The following ADGRL1 variants were observed in gnomAD, a reference collection of about 807,000 sequenced individuals.
ADGRL1 encodes the protein CIRL-1.
ADGRL1 carries 31 observed loss-of-function variants against 148.9 expected under a neutral mutation model. The observed-to-expected ratio is 0.21, with a 90% confidence interval of 0.16 to 0.28. ADGRL1 has a LOEUF of 0.28. Ranked by LOEUF, ADGRL1 falls within the 10% of genes least tolerant of loss-of-function variation. The pLI, the probability that ADGRL1 is intolerant of heterozygous loss-of-function variation, is 1.00. For synonymous variants in ADGRL1, 937 were observed against 900.3 expected, an observed-to-expected ratio of 1.04 and a Z score of -0.73; for missense variants, 1,521 against 2,058.8, an observed-to-expected ratio of 0.74 and a Z score of 5.05.
intron 4 of ADGRL1, among the ~76,000 whole-genome samples, chr19:14,168,435 C>CGTGT (rs145434293): frequency 1.3e-5 from 2 of 151,874 alleles, no homozygotes; most frequent in Non-Finnish European, 2.9e-5. Context: ...CATGTCTGCG[C>CGTGT]GTGTGTGTGT....
In ADGRL1 at chr19:14,155,475, C is replaced by A. The variant is rs774265366; in HGVS notation, c.3178G>T (p.Ala1060Ser). The change falls in exon 18 of 23, where the codon GCT becomes TCT. Residue 1060 changes from alanine to serine, a missense_variant. Physicochemically the swap from Ala to Ser is moderately conservative, Grantham distance 99. Transcript: ENST00000361434. The surrounding 1 kb of genome is among the most constrained non-coding windows in gnomAD (Gnocchi z 5.0). ...TTGTTGATGAAGAGGAGGCCGAAAG[C>A]CCAGGTGAGGCCCAGCAGGAACAGC... ...ALLFLLGLTW[A>S]FGLLFINKES... The A allele has an allele frequency of 6.2e-7, 1 of 1,614,056 alleles. No homozygotes were observed. The highest frequency in any genetic ancestry group is 8.5e-7 in the Non-Finnish European group (1 of 1,179,990).
At chr19:14,156,836 G>A in intron 15 of ADGRL1, 89 bp downstream of exon 15, 1 of 1,531,160 alleles carries the variant, frequency 6.5e-7, no homozygotes, top group Non-Finnish European at 8.9e-7. Context: ...GAGGAGGAAG[G>A]GACTACCGCC....
In ADGRL1 at chr19:14,160,122, T is replaced by C. The variant is rs1969200079; in HGVS notation, c.1790A>G (p.Asn597Ser). The change falls in exon 8 of 23, where the codon AAC becomes AGC. Residue 597 changes from asparagine to serine, a missense_variant. Asn to Ser is a conservative substitution (Grantham distance 46, BLOSUM62 1). Transcript: ENST00000361434. The surrounding 1 kb of genome is among the most constrained non-coding windows in gnomAD (Gnocchi z 5.9). ...RPIERESAGK[N>S]YNKMHKRERT... ...ACCGCCAGGCCCCACCTTGTTGTAG[T>C]TCTTGCCGGCTGACTCGCGCTCGAT... The C allele has an allele frequency of 6.3e-7, 1 of 1,583,278 alleles. No individual in the cohort carries two copies.
chr19:14,155,386 G>A lies in ADGRL1; in HGVS notation c.3267C>T (p.Phe1089=), dbSNP rs151144435. 14 of 1,613,934 alleles carry A rather than the reference G, an allele frequency of 8.7e-6. No homozygotes were observed. In the Admixed American group the frequency reaches 1.3e-4, roughly 15 times the overall value. ...TFNAFQGVFI[F]VFHCALQKKV... ...TCTTCTGTAAGGCGCAGTGAAAGACGAAGATGAAGACCCCCTGGAAGGCGT... is the reference window on the plus strand; with the variant it reads ...TCTTCTGTAAGGCGCAGTGAAAGACAAAGATGAAGACCCCCTGGAAGGCGT... Residue 1089 remains phenylalanine, a synonymous_variant, in exon 18 of 23, where the codon TTC becomes TTT. Coordinates refer to ENST00000361434, the MANE Select transcript of ADGRL1 (RefSeq NM_014921.5). The surrounding 1 kb of genome is among the most constrained non-coding windows in gnomAD (Gnocchi z 5.0).
intron 2 of ADGRL1, among the ~76,000 whole-genome samples, chr19:14,180,875 T>C (rs1971143526): frequency 6.6e-6 from 1 of 151,978 alleles, no homozygotes; most frequent in Admixed American, 6.6e-5. Flanking sequence ...CTGTATCCTT[T>C]TGATGTAATA....
rs1491187050 is a variant in ADGRL1 at position 14,150,558 on chromosome 19, G to GA, written c.*314dup. 1.7e-5 allele frequency: 6 copies of GA among 358,012 alleles called. No homozygotes were observed. The highest frequency in any genetic ancestry group is 4.7e-5 in the East Asian group (1 of 21,056). The allele number at this position is 358,012 out of a possible 1,614,324, so 22.2% of individuals were successfully genotyped here. A position where few individuals can be genotyped will look rare whatever the true frequency, so the allele number is the denominator to read the frequency against. ...CACAGGGTAGAAGGGTGGGAGAGGGGAGAGTCTGGAAGTGGGCTGCACCCT... is the reference window on the plus strand; with the variant it reads ...CACAGGGTAGAAGGGTGGGAGAGGGGAAGAGTCTGGAAGTGGGCTGCACCCT... On this transcript the variant is annotated 3_prime_UTR_variant, in exon 23 of 23. Coordinates refer to ENST00000361434, the MANE Select transcript of ADGRL1 (RefSeq NM_014921.5).
At position 14,152,273 on chromosome 19, in the gene ADGRL1, A is replaced by G. The variant is rs1170021016; in HGVS notation, c.3649+36T>C. On this transcript the variant is annotated intron_variant, in intron 21 of 22. Transcript: ENST00000361434. This position sits in a 1 kb window ranked among gnomAD's most constrained non-coding sequence, Gnocchi z 6.1. ...AGGTCCCTTGGGACACAAACCCTCC[A>G]TTTCCCAACCTGGGATGTTTCCCCC... 1 of 1,608,574 alleles carries G rather than the reference A, an allele frequency of 6.2e-7. No homozygotes were observed. The highest frequency in any genetic ancestry group is 1.7e-5 in the Admixed American group (1 of 59,716).
At position 14,157,152 on chromosome 19, in the gene ADGRL1, G is replaced by A. The variant is rs1599398947; in HGVS notation, c.2746-7C>T. Reference sequence around the variant, plus strand: ...CGAAGATGGGGCAGGCAATCTGCGGGGAGCACTGAGGGTGAGGGGCTGCTG... The same window carrying A: ...CGAAGATGGGGCAGGCAATCTGCGGAGAGCACTGAGGGTGAGGGGCTGCTG... On this transcript the variant is annotated splice_polypyrimidine_tract_variant and splice_region_variant and intron_variant, in intron 14 of 22. Transcript: ENST00000361434. This position sits in a 1 kb window ranked among gnomAD's most constrained non-coding sequence, Gnocchi z 7.5. 1.2e-6 allele frequency: 2 copies of A among 1,613,908 alleles called. No homozygotes were observed. Among genetic ancestry groups the A allele is most frequent in the Admixed American group, 1.7e-5 (1 of 60,002 alleles).
At chr19:14,203,989 G>A (rs939084201) in intron 1 of ADGRL1, among the ~76,000 whole-genome samples, 14 of 152,130 alleles carry the variant, frequency 9.2e-5, no homozygotes, top group African/African-American at 3.4e-4. Context: ...CAGGAGGGCC[G>A]GGACCCACAT....
At position 14,157,483 on chromosome 19, in the gene ADGRL1, C is replaced by T. The variant is rs761195461; in HGVS notation, c.2536-23G>A. 22 of 1,610,952 alleles carry T rather than the reference C, an allele frequency of 1.4e-5. No homozygotes were observed. The highest frequency in any genetic ancestry group is 9.9e-5 in the South Asian group (9 of 91,024). On this transcript the variant is annotated intron_variant, in intron 13 of 22. Transcript: ENST00000361434. The surrounding 1 kb of genome is among the most constrained non-coding windows in gnomAD (Gnocchi z 7.5). Reference sequence around the variant, plus strand: ...GTACTGGGGACAGGAACAGGGGGCACGCTCAGGGCCTTTGGTTTTGCACGC... The same window carrying T: ...GTACTGGGGACAGGAACAGGGGGCATGCTCAGGGCCTTTGGTTTTGCACGC...
In ADGRL1 at chr19:14,150,106, CTGGGAA is replaced by C; in HGVS notation, c.*761_*766del. 1 of 152,482 alleles carries C rather than the reference CTGGGAA, an allele frequency of 6.6e-6. No homozygotes were observed. Among genetic ancestry groups the C allele is most frequent in the Non-Finnish European group, 1.5e-5 (1 of 68,046 alleles). 9.4% of individuals were successfully genotyped at this position (152,482 alleles called of 1,614,324 possible). ...TCCCCAGATAGCCGAGCCCACAGGA[CTGGGAA>C]CTGCCCAAATATGGCCACCCCTGTG... On this transcript the variant is annotated 3_prime_UTR_variant, in exon 23 of 23. Coordinates refer to ENST00000361434, the MANE Select transcript of ADGRL1 (RefSeq NM_014921.5).
chr19:14,155,657 C>A lies in ADGRL1; in HGVS notation c.3126-130G>T. The A allele has an allele frequency of 2.2e-6, 2 of 909,674 alleles. No individual in the cohort carries two copies. Among genetic ancestry groups the A allele is most frequent in the Non-Finnish European group, 3.3e-6 (2 of 611,350 alleles). 56.4% of individuals were successfully genotyped at this position (909,674 alleles called of 1,614,324 possible). A position where few individuals can be genotyped will look rare whatever the true frequency, so the allele number is the denominator to read the frequency against. On this transcript the variant is annotated intron_variant, in intron 17 of 22. Coordinates refer to ENST00000361434, the MANE Select transcript of ADGRL1 (RefSeq NM_014921.5). This position sits in a 1 kb window ranked among gnomAD's most constrained non-coding sequence, Gnocchi z 5.0. ...ACTGTCTGCAAAGCCCTGAGCGGGC[C>A]GAGTGGGCCTTGGGGGCAGTGGCCT...
intron 4 of ADGRL1, among the ~76,000 whole-genome samples, chr19:14,166,725 C>G (rs1026603623): frequency 6.6e-6 from 1 of 151,914 alleles, no homozygotes; most frequent in Non-Finnish European, 1.5e-5. Context: ...CCAGGTCCCC[C>G]GAAAGGGCCA....
At chr19:14,167,235 T>G (rs1599440388) in intron 4 of ADGRL1, among the ~76,000 whole-genome samples, 1 of 147,968 alleles carries the variant, frequency 6.8e-6, no homozygotes, top group Non-Finnish European at 1.5e-5. Context: ...CCTCTGGGGG[T>G]GGTCAGGTGG....
At chr19:14,175,581 TAC>T (rs758490348) in intron 3 of ADGRL1, among the ~76,000 whole-genome samples, 26 of 151,934 alleles carry the variant, frequency 1.7e-4, no homozygotes, top group Non-Finnish European at 3.2e-4. Context: ...CCCACCCAGA[TAC>T]ACACTCCAAT....
chr19:14,163,465 GGA>G (rs71170599), intron 4 of ADGRL1, 59 bp from the exon 5 acceptor site: 108,264 of 676,468 alleles, frequency 0.16, 1,718 homozygotes, highest in East Asian at 0.25. Context: ...GCGAGAGGGA[GGA>G]GAGAGAGAGA....
Position 14,157,583 on chromosome 19 carries a change from A to AGGTTGGCGGC in ADGRL1, c.2536-124_2536-123insGCCGCCAACC. On this transcript the variant is annotated intron_variant, in intron 13 of 22. Coordinates refer to ENST00000361434, the MANE Select transcript of ADGRL1 (RefSeq NM_014921.5). This position sits in a 1 kb window ranked among gnomAD's most constrained non-coding sequence, Gnocchi z 7.5. ...GGCCGTGAGGACCTCTGGTGCCGCC[A>AGGTTGGCGGC]ACCTGGCAGCCCTCACCCCTCTGCA... 1.0e-6 allele frequency: 1 copy of AGGTTGGCGGC among 962,638 alleles called. No individual in the cohort carries two copies. Among genetic ancestry groups the AGGTTGGCGGC allele is most frequent in the Non-Finnish European group, 1.6e-6 (1 of 633,906 alleles). The allele number at this position is 962,638 out of a possible 1,614,324, so 59.6% of individuals were successfully genotyped here.
intron 1 of ADGRL1, among the ~76,000 whole-genome samples, chr19:14,189,763 C>T (rs1971817161): frequency 6.6e-6 from 1 of 152,172 alleles, no homozygotes; most frequent in Non-Finnish European, 1.5e-5. Flanking sequence ...GAAATTACAT[C>T]TATTTAAGGT....
Position 14,150,925 on chromosome 19 carries a change from T to A in ADGRL1, c.4358A>T (p.Glu1453Val). 6.2e-7 allele frequency: 1 copy of A among 1,611,750 alleles called. No homozygotes were observed. The highest frequency in any genetic ancestry group is 8.5e-7 in the Non-Finnish European group (1 of 1,179,590). Residue 1453 changes from glutamate (E) to valine (V), a missense_variant, in exon 23 of 23, where the codon GAG (glutamate) becomes GTG (valine). Around this residue, in one of 8 missense-constraint regions of ADGRL1, gnomAD observed 390 missense variants for 375.0 expected, o/e 1.04. Coordinates refer to ENST00000361434, the MANE Select transcript of ADGRL1 (RefSeq NM_014921.5). ...HEGYLAAPGL[E>V]GPGPDGDGQM... ...CCCGTCCCCATCGGGCCCTGGCCCC[T>A]CAAGGCCTGGGGCTGCCAGGTAGCC...
Sources: allele counts gnomAD v4.1 joint callset (sites outside exome capture counted in the v4.1 genomes callset), GRCh38; gene constraint gnomAD v4.1.1; regional missense constraint gnomAD v4.1.1; non-coding constraint Gnocchi (gnomAD v3.1); transcripts MANE v1.5; gene names NCBI Gene and HGNC (gene_info 2026-07-23, HGNC 2026-07-21).